The following ZMAT4 variants were observed in gnomAD, a reference collection of about 807,000 sequenced individuals.
ZMAT4 encodes the protein zinc finger matrin-type protein 4.
Under a neutral mutation model 28.7 loss-of-function variants are expected in ZMAT4, and 17 were observed. That is an observed-to-expected ratio of 0.59 (90% CI 0.41 to 0.89). The LOEUF (loss-of-function observed/expected upper bound fraction) is 0.89. ZMAT4 is among the 40% of genes least tolerant of loss of function. The pLI is 0.00. For missense variants in ZMAT4, 240 were observed against 283.8 expected (o/e 0.85, Z 1.11); for synonymous variants, 117 against 109.2 (o/e 1.07, Z -0.44).
intron 5 of ZMAT4, among the ~76,000 whole-genome samples, chr8:40,608,879 G>T (rs1200980556): frequency 6.6e-6 from 1 of 152,138 alleles, no homozygotes; most frequent in Non-Finnish European, 1.5e-5. Flanking sequence ...GTGTGTTCAG[G>T]GGCAGACTTT....
At chr8:40,725,249 C>A (rs1485485501) in intron 3 of ZMAT4, among the ~76,000 whole-genome samples, 1 of 152,118 alleles carries the variant, frequency 6.6e-6, no homozygotes, top group African/African-American at 2.4e-5. Flanking sequence ...GGCAGTCAGG[C>A]TGTGGGGAGT....
intron 2 of ZMAT4, among the ~76,000 whole-genome samples, chr8:40,814,120 T>C (rs1240185758): frequency 1.1e-5 from 1 of 94,654 alleles, no homozygotes; most frequent in African/African-American, 4.5e-5. Context: ...GTGATAGCAT[T>C]TGAAGTTAGA....
At chr8:40,775,848 G>A (rs1269793205) in intron 2 of ZMAT4, among the ~76,000 whole-genome samples, 1 of 152,194 alleles carries the variant, frequency 6.6e-6, no homozygotes, top group African/African-American at 2.4e-5. Flanking sequence ...GAAGTCACAA[G>A]GGTGGGGCCC....
At chr8:40,796,511 A>T (rs1455116792) in intron 2 of ZMAT4, among the ~76,000 whole-genome samples, 2 of 152,118 alleles carry the variant, frequency 1.3e-5, no homozygotes, top group African/African-American at 4.8e-5. Context: ...TGCTAACCAG[A>T]ACCCTTGAAT....
chr8:40,875,458 A>C (rs1289778851), intron 1 of ZMAT4, among the ~76,000 whole-genome samples: 1 of 152,208 alleles, frequency 6.6e-6, no homozygotes, highest in East Asian at 1.9e-4. Flanking sequence ...TGGGTGCAAA[A>C]GGAACTGACA....
At chr8:40,663,609 G>C (rs1016712896) in intron 5 of ZMAT4, among the ~76,000 whole-genome samples, 4 of 152,142 alleles carry the variant, frequency 2.6e-5, no homozygotes, top group Admixed American at 6.5e-5. Flanking sequence ...ACAGGAACAT[G>C]AGCCATTTAA....
At chr8:40,881,493 AAGAAAG>A (rs1429610924) in intron 1 of ZMAT4, among the ~76,000 whole-genome samples, 1 of 136,948 alleles carries the variant, frequency 7.3e-6, no homozygotes, top group Non-Finnish European at 1.6e-5. Context: ...GAAAGAAAGA[AAGAAAG>A]AGGAAGGAAG....
intron 5 of ZMAT4, among the ~76,000 whole-genome samples, chr8:40,673,400 C>T (rs939436556): frequency 2.0e-5 from 3 of 152,064 alleles, no homozygotes; most frequent in Non-Finnish European, 4.4e-5. Flanking sequence ...AGCCAGATTA[C>T]GGTAATTAGA....
intron 5 of ZMAT4, among the ~76,000 whole-genome samples, chr8:40,630,344 A>G (rs1029006358): frequency 6.6e-6 from 1 of 152,228 alleles, no homozygotes; most frequent in Non-Finnish European, 1.5e-5. Context: ...CAGGCTTAGA[A>G]TTGGTGCGTT....
At chr8:40,640,505 A>G (rs1242508615) in intron 5 of ZMAT4, among the ~76,000 whole-genome samples, 1 of 152,228 alleles carries the variant, frequency 6.6e-6, no homozygotes, top group Non-Finnish European at 1.5e-5. Context: ...TGAACAGACT[A>G]ACAAAAAACA....
chr8:40,535,815 G>A (rs1276391058), intron 6 of ZMAT4, among the ~76,000 whole-genome samples: 1 of 152,156 alleles, frequency 6.6e-6, no homozygotes, highest in Non-Finnish European at 1.5e-5. Context: ...CACACTGAAT[G>A]TAAACTGTTC....
At chr8:40,725,096 C>T (rs757835636) in intron 3 of ZMAT4, among the ~76,000 whole-genome samples, 4 of 152,138 alleles carry the variant, frequency 2.6e-5, no homozygotes, top group Non-Finnish European at 4.4e-5. Flanking sequence ...TTGCAAACTG[C>T]GGGAAGTGCC....
chr8:40,867,412 A>G (rs1817714493), intron 1 of ZMAT4, among the ~76,000 whole-genome samples: 1 of 152,170 alleles, frequency 6.6e-6, no homozygotes, highest in South Asian at 2.1e-4. Flanking sequence ...CATAAGTCAG[A>G]TTATGATTCC....
chr8:40,885,531 A>T (rs1818422783), intron 1 of ZMAT4, among the ~76,000 whole-genome samples: 1 of 152,122 alleles, frequency 6.6e-6, no homozygotes, highest in Admixed American at 6.5e-5. Flanking sequence ...TTATTTATTC[A>T]TGTATTTATT....
At chr8:40,810,619 T>C (rs1815277990) in intron 2 of ZMAT4, among the ~76,000 whole-genome samples, 4 of 152,338 alleles carry the variant, frequency 2.6e-5, no homozygotes, top group Middle Eastern at 6.8e-3. Context: ...AAGTGTCAGA[T>C]TAATTATAGT....
intron 5 of ZMAT4, among the ~76,000 whole-genome samples, chr8:40,635,796 T>A (rs1181124867): frequency 1.3e-5 from 2 of 152,228 alleles, no homozygotes; most frequent in Admixed American, 1.3e-4. Context: ...AAATATTTGC[T>A]ATTGTAGGGT....
intron 4 of ZMAT4, among the ~76,000 whole-genome samples, chr8:40,696,059 C>G (rs908568923): frequency 1.3e-5 from 2 of 151,986 alleles, no homozygotes; most frequent in Non-Finnish European, 2.9e-5. Context: ...GAGCAAGAAT[C>G]AGGAGTTTCA....
intron 3 of ZMAT4, among the ~76,000 whole-genome samples, chr8:40,708,078 T>C (rs1456191029): frequency 3.3e-5 from 5 of 152,242 alleles, no homozygotes; most frequent in African/African-American, 1.2e-4. Flanking sequence ...GACATGGTTG[T>C]TCTCATGAAC....
At chr8:40,836,749 T>C (rs945882948) in intron 1 of ZMAT4, among the ~76,000 whole-genome samples, 3 of 152,192 alleles carry the variant, frequency 2.0e-5, no homozygotes, top group Non-Finnish European at 4.4e-5. Context: ...TTCAGGATGA[T>C]GATTGCCTTA....
Sources: gnomAD v4.1 joint callset for allele counts (sites outside exome capture counted in the v4.1 genomes callset) on GRCh38, gnomAD v4.1.1 for gene constraint, MANE v1.5 for transcripts, NCBI Gene and HGNC (gene_info 2026-07-23, HGNC 2026-07-21) for gene names.